The following NETO1 variants were observed in gnomAD, a reference collection of about 807,000 sequenced individuals.
NETO1 encodes neuropilin and tolloid like 1.
NETO1 carries 26 observed loss-of-function variants against 61.3 expected under a neutral mutation model. The observed-to-expected ratio is 0.42, with a 90% CI of 0.31 to 0.59. NETO1 has a LOEUF of 0.59. NETO1 is among the 20% of genes least tolerant of loss of function. The pLI, the probability that NETO1 is intolerant of heterozygous loss-of-function variation, is 0.12. For synonymous variants in NETO1, 225 were observed against 225.8 expected (o/e 1.00, Z 0.03); for missense variants, 531 against 662.8 (o/e 0.80, Z 2.18).
chr18:72,771,890 C>A (rs2071363216), intron 7 of NETO1, among the ~76,000 whole-genome samples: 1 of 150,872 alleles, frequency 6.6e-6, no homozygotes, highest in Admixed American at 6.7e-5. Flanking sequence ...AAAACAATAT[C>A]TTTTTATGAT....
At chr18:72,786,750 T>C (rs1186151511) in intron 6 of NETO1, among the ~76,000 whole-genome samples, 1 of 152,022 alleles carries the variant, frequency 6.6e-6, no homozygotes, top group Non-Finnish European at 1.5e-5. Flanking sequence ...AAGGTATATA[T>C]GCATCTAAAA....
At chr18:72,845,454 T>C (rs975431267) in intron 4 of NETO1, among the ~76,000 whole-genome samples, 2 of 152,182 alleles carry the variant, frequency 1.3e-5, no homozygotes, top group Non-Finnish European at 2.9e-5. Flanking sequence ...TGATATATGA[T>C]AGTAATATTT....
intron 7 of NETO1, among the ~76,000 whole-genome samples, chr18:72,781,405 A>G (rs1232024853): frequency 6.6e-6 from 1 of 152,204 alleles, no homozygotes; most frequent in African/African-American, 2.4e-5. Context: ...CCTGAGTCTC[A>G]TATGCTTGTC....
intron 4 of NETO1, among the ~76,000 whole-genome samples, chr18:72,804,173 T>G (rs142239880): frequency 1.1e-3 from 174 of 152,268 alleles, no homozygotes; most frequent in Admixed American, 3.1e-3. Context: ...ATAATAAATA[T>G]TGAATGATAC....
In NETO1 at chr18:72,867,959, G is replaced by C. The variant is rs1489588095; in HGVS notation, c.-668C>G. ...AGAAGGGGTCCGTCATCGGCTCGCC[G>C]GGCTGCGCGCCACCTCTGCTATCTT... On this transcript the variant is annotated 5_prime_UTR_variant, in exon 1 of 11. Transcript: ENST00000327305. 6.6e-6 allele frequency: 1 copy of C among 150,920 alleles called. No individual in the cohort carries two copies. The highest frequency in any genetic ancestry group is 1.5e-5 in the Non-Finnish European group (1 of 67,628). 9.3% of individuals were successfully genotyped at this position (150,920 alleles called of 1,614,324 possible). A position where few individuals can be genotyped will look rare whatever the true frequency, so the allele number is the denominator to read the frequency against.
At chr18:72,844,383 C>T (rs540851783) in intron 4 of NETO1, among the ~76,000 whole-genome samples, 2 of 152,292 alleles carry the variant, frequency 1.3e-5, no homozygotes, top group East Asian at 3.9e-4. Flanking sequence ...CATTCTGATA[C>T]ATCGCACTCT....
chr18:72,863,890 G>A (rs2074655430), intron 3 of NETO1, among the ~76,000 whole-genome samples: 2 of 152,106 alleles, frequency 1.3e-5, no homozygotes, highest in African/African-American at 4.8e-5. Context: ...TCCATCACCA[G>A]ATGAAATGCT....
At chr18:72,834,393 T>A (rs1183796397) in intron 4 of NETO1, 1 of 946,740 alleles carries the variant, frequency 1.1e-6, no homozygotes, top group Non-Finnish European at 1.3e-6. Context: ...GATAATAGAT[T>A]TAATGAAGGG....
rs567551433 is a variant in NETO1 at position 72,812,445 on chromosome 18, G to A, written c.470-18041C>T. Among the ~76,000 whole-genome samples the A allele has an allele frequency of 4.6e-5, 7 of 152,260 alleles. No homozygotes were observed. The South Asian group carries it at 1.0e-3, about 23-fold the overall frequency. On this transcript the variant is annotated intron_variant, in intron 4 of 10. Transcript: ENST00000327305. ...CTTTTTCCCTGTGATTTTCGCCAACGTCATCATTGAATTTTAAGTGATCCA... is the reference window on the plus strand; with the variant it reads ...CTTTTTCCCTGTGATTTTCGCCAACATCATCATTGAATTTTAAGTGATCCA...
chr18:72,784,038 A>G (rs1363129572), intron 6 of NETO1, 132 bp from the exon 7 acceptor site: 1 of 656,230 alleles, frequency 1.5e-6, no homozygotes, highest in Non-Finnish European at 2.6e-6. Flanking sequence ...TCCCTTGTGA[A>G]TAGAAAGAAG....
chr18:72,751,500 G>A (rs917016612), intron 8 of NETO1, among the ~76,000 whole-genome samples: 1 of 152,160 alleles, frequency 6.6e-6, no homozygotes, highest in South Asian at 2.1e-4. Flanking sequence ...ATTTCTCAAT[G>A]CCCAACCAGG....
chr18:72,751,350 T>A (rs2070609989), intron 8 of NETO1, among the ~76,000 whole-genome samples: 1 of 152,206 alleles, frequency 6.6e-6, no homozygotes, highest in African/African-American at 2.4e-5. Flanking sequence ...ATTTGAGCCA[T>A]GACTTGCTTC....
rs752030273 is a variant in NETO1 at position 72,750,243 on chromosome 18, T to C, written c.1360A>G (p.Ile454Val). 9 of 1,614,090 alleles carry C rather than the reference T, an allele frequency of 5.6e-6. No individual in the cohort carries two copies. Among genetic ancestry groups the C allele is most frequent in the Middle Eastern group, 1.7e-4 (1 of 6,060 alleles). The change falls in exon 9 of 11, where the codon ATC becomes GTC. Residue 454 changes from isoleucine to valine, a missense_variant. Ile to Val is a conservative substitution (Grantham distance 29). Coordinates refer to ENST00000327305, the MANE Select transcript of NETO1 (RefSeq NM_138966.5). The part of the protein sequence containing the change: ...RSNLSTRDAS[I>V]LTEMPTQPGK... ...GGCTGTGTGGGCATCTCTGTCAAGA[T>C]AGAAGCATCTCTTGTGCTGAGGTTA...
chr18:72,801,146 T>C, intron 4 of NETO1, among the ~76,000 whole-genome samples: 1 of 152,202 alleles, frequency 6.6e-6, no homozygotes, highest in East Asian at 1.9e-4. Flanking sequence ...CTGTCTTTCT[T>C]CCATGGTCTA....
intron 4 of NETO1, chr18:72,835,146 G>A: frequency 2.4e-6 from 3 of 1,258,590 alleles, no homozygotes; most frequent in Non-Finnish European, 3.0e-6. Context: ...CAGAAAGATT[G>A]AGCAAACAGC....
At chr18:72,772,986 T>C (rs2071426949) in intron 7 of NETO1, among the ~76,000 whole-genome samples, 1 of 151,062 alleles carries the variant, frequency 6.6e-6, no homozygotes, top group South Asian at 2.1e-4. Context: ...AGCCTACACC[T>C]ATAACATTTA....
intron 4 of NETO1, 93 bp downstream of exon 4, chr18:72,858,733 A>T: frequency 8.2e-7 from 1 of 1,224,604 alleles, no homozygotes; most frequent in Non-Finnish European, 1.1e-6. Flanking sequence ...ACATTCTCTG[A>T]GAAAGTATAA....
chr18:72,767,505 C>T (rs7236508), intron 7 of NETO1, among the ~76,000 whole-genome samples: 45,886 of 152,012 alleles, frequency 0.3, 8,125 homozygotes, highest in South Asian at 0.48. Context: ...AGCAAAATTA[C>T]TTAAGATACT....
intron 7 of NETO1, among the ~76,000 whole-genome samples, chr18:72,778,966 A>G (rs1168755584): frequency 6.6e-6 from 1 of 152,212 alleles, no homozygotes; most frequent in Non-Finnish European, 1.5e-5. Context: ...CATAGACTAG[A>G]TGGCTTGTAA....
Sources: allele counts gnomAD v4.1 joint callset (sites outside exome capture counted in the v4.1 genomes callset), GRCh38; gene constraint gnomAD v4.1.1; transcripts MANE v1.5; gene names NCBI Gene and HGNC (gene_info 2026-07-23, HGNC 2026-07-21).